Variants in NTNG1 observed in about 807,000 individuals in gnomAD.
The protein encoded by NTNG1 is netrin-G1.
In NTNG1, 16 loss-of-function variants were observed where a neutral mutation model predicts 54.0. That is an observed-to-expected ratio of 0.30 (90% CI 0.20 to 0.45). The LOEUF is 0.45. Among genes scored for constraint, NTNG1 ranks in the 20% least tolerant of loss-of-function variants. The pLI is 1.00. For missense variants in NTNG1, 530 were observed against 678.7 expected (o/e 0.78, Z 2.43); for synonymous variants, 255 against 263.1 (o/e 0.97, Z 0.30).
At chr1:107,455,692 A>C in intron 7 of NTNG1, 1 of 443,168 alleles carries the variant, frequency 2.3e-6, no homozygotes, top group Non-Finnish European at 4.7e-6. Context: ...AGCACTGGAG[A>C]GCATGACAAG....
At chr1:107,431,277 A>G (rs1675248180) in intron 6 of NTNG1, among the ~76,000 whole-genome samples, 1 of 152,158 alleles carries the variant, frequency 6.6e-6, no homozygotes, top group Admixed American at 6.6e-5. Context: ...AACTTTCAAA[A>G]TAGAAACTCA....
At chr1:107,150,450 C>T (rs981209502) in intron 2 of NTNG1, among the ~76,000 whole-genome samples, 4 of 152,166 alleles carry the variant, frequency 2.6e-5, no homozygotes, top group Non-Finnish European at 4.4e-5. Context: ...TAGTCTTCTA[C>T]GCCTTATAGC....
chr1:107,321,649 A>G (rs891124195), intron 2 of NTNG1, among the ~76,000 whole-genome samples: 24 of 152,138 alleles, frequency 1.6e-4, no homozygotes, highest in African/African-American at 5.8e-4. Flanking sequence ...ACATAAACCT[A>G]TGTAACTAGG....
intron 5 of NTNG1, among the ~76,000 whole-genome samples, chr1:107,412,499 T>A (rs1400493598): frequency 6.6e-6 from 1 of 152,160 alleles, no homozygotes; most frequent in Non-Finnish European, 1.5e-5. Flanking sequence ...TTATACCAAG[T>A]GGAAGAGATT....
intron 7 of NTNG1, among the ~76,000 whole-genome samples, chr1:107,471,592 G>A (rs1571036089): frequency 6.6e-6 from 1 of 152,196 alleles, no homozygotes; most frequent in African/African-American, 2.4e-5. Context: ...CACATTGAAT[G>A]AGAATATAGA....
At chr1:107,460,280 C>G (rs1296085376) in intron 7 of NTNG1, 4 of 456,668 alleles carry the variant, frequency 8.8e-6, no homozygotes, top group Non-Finnish European at 1.7e-5. Flanking sequence ...ATCATGAGCG[C>G]ACTCCCAGGT....
At chr1:107,349,843 A>G (rs1403795193) in intron 3 of NTNG1, among the ~76,000 whole-genome samples, 1 of 152,134 alleles carries the variant, frequency 6.6e-6, no homozygotes, top group African/African-American at 2.4e-5. Context: ...GTCGATGGAT[A>G]TTTGGGTTGT....
chr1:107,324,666 T>C lies in NTNG1; in HGVS notation c.631T>C (p.Ser211Pro). ...VLEIICTEEY[S>P]TGYTTNSKII... is the part of the protein sequence containing the mutation. ...AGAAATCATTTGCACAGAAGAGTAC[T>C]CAACAGGGTATACAACAAATAGCAA... The change falls in exon 3 of 8, where the codon TCA (serine) becomes CCA (proline). Residue 211 changes from serine to proline, a missense_variant. Ser to Pro is a moderately conservative substitution (Grantham distance 74, BLOSUM62 -1). Transcript: ENST00000370068. 6.2e-7 allele frequency: 1 copy of C among 1,613,664 alleles called. No individual in the cohort carries two copies. Among genetic ancestry groups the C allele is most frequent in the Non-Finnish European group, 8.5e-7 (1 of 1,179,826 alleles).
intron 2 of NTNG1, among the ~76,000 whole-genome samples, chr1:107,156,326 A>C (rs1294760475): frequency 6.6e-6 from 1 of 152,182 alleles, no homozygotes; most frequent in Non-Finnish European, 1.5e-5. Context: ...TTTTCTGTAG[A>C]CTATATATGA....
At chr1:107,464,939 GGCTTATGTGGT>G (rs1677507438) in intron 7 of NTNG1, among the ~76,000 whole-genome samples, 1 of 152,136 alleles carries the variant, frequency 6.6e-6, no homozygotes, top group Non-Finnish European at 1.5e-5. Flanking sequence ...TCTCTCCATA[GGCTTATGTGGT>G]GTTTCTCTCC....
intron 2 of NTNG1, among the ~76,000 whole-genome samples, chr1:107,203,406 A>T (rs527592258): frequency 2.0e-5 from 3 of 151,758 alleles, no homozygotes; most frequent in South Asian, 4.1e-4. Flanking sequence ...TTTTCAGAAG[A>T]TATTTTCTAT....
At chr1:107,284,119 G>C (rs1665043034) in intron 2 of NTNG1, among the ~76,000 whole-genome samples, 1 of 151,988 alleles carries the variant, frequency 6.6e-6, no homozygotes. Flanking sequence ...TTGAGGGTAG[G>C]TGTTACCCCT....
At chr1:107,320,127 A>G (rs533522139) in intron 2 of NTNG1, among the ~76,000 whole-genome samples, 1 of 152,164 alleles carries the variant, frequency 6.6e-6, no homozygotes, top group Non-Finnish European at 1.5e-5. Context: ...ACATTTTAAA[A>G]ATGAAATTAA....
intron 2 of NTNG1, among the ~76,000 whole-genome samples, chr1:107,177,392 T>C (rs111605938): frequency 1.3e-5 from 2 of 152,156 alleles, no homozygotes; most frequent in African/African-American, 4.8e-5. Flanking sequence ...TAGAGTGCAG[T>C]GGCACGATCT....
intron 3 of NTNG1, among the ~76,000 whole-genome samples, chr1:107,353,630 C>T (rs555667561): frequency 6.6e-6 from 1 of 152,298 alleles, no homozygotes; most frequent in South Asian, 2.1e-4. Context: ...CTGCCAGTTA[C>T]CCAATTCCAA....
At chr1:107,174,559 G>C (rs1656496586) in intron 2 of NTNG1, among the ~76,000 whole-genome samples, 1 of 151,786 alleles carries the variant, frequency 6.6e-6, no homozygotes, top group Non-Finnish European at 1.5e-5. Flanking sequence ...CTTCCAAAGT[G>C]CTCCCATAAC....
chr1:107,409,588 C>A (rs1673663858), intron 5 of NTNG1: 2 of 151,858 alleles, frequency 1.3e-5, no homozygotes, highest in African/African-American at 2.4e-5. Context: ...CTTCGTTGTG[C>A]CTTTGAAAAA....
At chr1:107,323,344 C>T (rs1161538810) in intron 2 of NTNG1, among the ~76,000 whole-genome samples, 1 of 152,022 alleles carries the variant, frequency 6.6e-6, no homozygotes, top group Admixed American at 6.6e-5. Context: ...CTGAGAGTAG[C>T]CATTTAGTGT....
At chr1:107,329,837 C>A (rs2101894141) in intron 3 of NTNG1, among the ~76,000 whole-genome samples, 1 of 152,086 alleles carries the variant, frequency 6.6e-6, no homozygotes, top group East Asian at 1.9e-4. Context: ...CGAAGATGCA[C>A]CAAGCATAGT....
Sources: allele counts gnomAD v4.1 joint callset (sites outside exome capture counted in the v4.1 genomes callset), GRCh38; gene constraint gnomAD v4.1.1; transcripts MANE v1.5; gene names NCBI Gene and HGNC (gene_info 2026-07-23, HGNC 2026-07-21).